KNTC1: variants seen among roughly 807,000 people sequenced by gnomAD.
KNTC1 encodes kinetochore-associated protein 1.
A neutral mutation model predicts 314.4 loss-of-function variants in KNTC1; 253 were observed. The ratio of observed to expected loss-of-function variants is 0.80; its 90% CI spans 0.73 to 0.89. The LOEUF is 0.89. Among genes scored for constraint, KNTC1 ranks in the 40% least tolerant of loss-of-function variants. The pLI, the probability that KNTC1 is intolerant of heterozygous loss-of-function variation, is 0.00. For missense variants in KNTC1, 2,475 were observed against 2,572.9 expected (o/e 0.96, Z 0.82); for synonymous variants, 901 against 901.4 (o/e 1.00, Z 0.01).
At chr12:122,539,594 T>C in intron 4 of KNTC1, 82 bp from the exon 5 acceptor site, 2 of 941,310 alleles carry the variant, frequency 2.1e-6, no homozygotes, top group South Asian at 3.3e-5. Context: ...TGATAATTGA[T>C]AACTCTAGAG....
At chr12:122,541,152 A>G (rs1418262284) in intron 5 of KNTC1, among the ~76,000 whole-genome samples, 1 of 151,340 alleles carries the variant, frequency 6.6e-6, no homozygotes. Context: ...AGGCCATTGC[A>G]CTCCAGCCTG....
chr12:122,613,921 A>G (rs762271898), intron 55 of KNTC1, among the ~76,000 whole-genome samples, 160 bp downstream of exon 55: 1 of 151,834 alleles, frequency 6.6e-6, no homozygotes, highest in Non-Finnish European at 1.5e-5. Flanking sequence ...GCTCACTGCA[A>G]CCTCCATCTC....
intron 44 of KNTC1, among the ~76,000 whole-genome samples, 154 bp from the exon 45 acceptor site, chr12:122,601,382 G>C (rs1216216409): frequency 2.0e-5 from 3 of 152,204 alleles, no homozygotes; most frequent in Non-Finnish European, 4.4e-5. Context: ...ACCGTGCCCG[G>C]CCGATTGTAG....
intron 42 of KNTC1, chr12:122,593,015 G>GT (rs1870504247): frequency 6.5e-6 from 1 of 153,734 alleles, no homozygotes; most frequent in African/African-American, 2.4e-5. Flanking sequence ...CTTAAGAGCT[G>GT]TAACACTCAC....
In KNTC1 at chr12:122,603,614, C is replaced by T. The variant is rs144472434; in HGVS notation, c.5101+371C>T. Among the ~76,000 whole-genome samples, 1,295 of 152,040 alleles carry T rather than the reference C, an allele frequency of 8.5e-3. 17 individuals are homozygous for T. The highest frequency in any genetic ancestry group is 0.03 in the African/African-American group (1,252 of 41,484). Reference sequence around the variant, plus strand: ...TTCAAGTGATTCTCCTGCCTCAGTCCCCCGAGTAGCTGGGACTACAGGTGC... The same window carrying T: ...TTCAAGTGATTCTCCTGCCTCAGTCTCCCGAGTAGCTGGGACTACAGGTGC... On this transcript the variant is annotated intron_variant, in intron 48 of 63. Coordinates refer to ENST00000333479, the MANE Select transcript of KNTC1 (RefSeq NM_014708.6).
chr12:122,569,329 A>T (rs888832042), intron 21 of KNTC1, among the ~76,000 whole-genome samples: 12 of 152,218 alleles, frequency 7.9e-5, no homozygotes, highest in Non-Finnish European at 1.6e-4. Flanking sequence ...AAGGTTGGCC[A>T]AAGTTGGTAT....
Position 122,585,714 on chromosome 12 carries a change from G to C in KNTC1, c.3613G>C (p.Glu1205Gln). ...DFFSEDGIVL[E>Q]SQMVLPVIYE... ...CTTCAGTGAAGATGGAATTGTTCTT[G>C]AGTCACAGATGGTGCTTCCAGTGAT... Residue 1205 changes from glutamate (E) to glutamine (Q), a missense_variant, in exon 37 of 64, where the codon GAG (glutamate) becomes CAG (glutamine). Coordinates refer to ENST00000333479, the MANE Select transcript of KNTC1 (RefSeq NM_014708.6). 1.9e-6 allele frequency: 3 copies of C among 1,613,538 alleles called. No homozygotes were observed. The highest frequency in any genetic ancestry group is 1.3e-5 in the African/African-American group (1 of 75,030).
At chr12:122,595,958 T>A (rs1390407808) in intron 43 of KNTC1, among the ~76,000 whole-genome samples, 1 of 152,214 alleles carries the variant, frequency 6.6e-6, no homozygotes, top group Non-Finnish European at 1.5e-5. Context: ...TTGAAAATGG[T>A]GGTACTTAAG....
At chr12:122,617,146 G>A (rs1464950610) in intron 57 of KNTC1, among the ~76,000 whole-genome samples, 2 of 151,902 alleles carry the variant, frequency 1.3e-5, no homozygotes, top group East Asian at 3.9e-4. Context: ...TCTATTTTTG[G>A]TCATTATAAA....
rs2270774 is a variant in KNTC1, at chr12:122,613,351, T to G, written c.5741+121T>G. ...AGTAGCTGTGTGAATACAGTTCTGT[T>G]GCCCTGAATATCCTTGACATTTTGG... is the stretch of plus-strand genomic sequence containing the variant. On this transcript the variant is annotated intron_variant, in intron 54 of 63. Transcript: ENST00000333479. 37 of 716,702 alleles carry G rather than the reference T, an allele frequency of 5.2e-5. No individual in the cohort carries two copies. The East Asian group carries it at 9.5e-4, about 18-fold the overall frequency. The allele number at this position is 716,702 out of a possible 1,614,324, so 44.4% of individuals were successfully genotyped here.
At chr12:122,559,866 C>T (rs1036641807) in intron 18 of KNTC1, among the ~76,000 whole-genome samples, 11 of 152,268 alleles carry the variant, frequency 7.2e-5, no homozygotes, top group Admixed American at 5.9e-4. Context: ...TGAGCCACTG[C>T]GCCCGGCCTA....
intron 42 of KNTC1, among the ~76,000 whole-genome samples, chr12:122,592,356 C>T (rs1870367972): frequency 6.6e-6 from 1 of 152,238 alleles, no homozygotes; most frequent in South Asian, 2.1e-4. Context: ...AAATGCCGCC[C>T]CATGCTCCAC....
chr12:122,539,817 T>G, intron 5 of KNTC1, 63 bp downstream of exon 5: 1 of 1,128,226 alleles, frequency 8.9e-7, no homozygotes, highest in South Asian at 1.5e-5. Flanking sequence ...AGTCTCCCTT[T>G]GTCGCCCAGG....
Position 122,594,162 on chromosome 12 carries a change from A to G in KNTC1, c.4246-114A>G. On this transcript the variant is annotated intron_variant, in intron 42 of 63. Transcript: ENST00000333479. ...GTGTGAGGTTGGAGGAGCTATAGAC[A>G]AATGTTTCTTTTTGAAAAAGGATAC... 4.6e-6 allele frequency: 3 copies of G among 651,282 alleles called. No homozygotes were observed. The Admixed American group carries it at 8.2e-5, about 18-fold the overall frequency. 40.3% of individuals were successfully genotyped at this position (651,282 alleles called of 1,614,324 possible). A position where few individuals can be genotyped will look rare whatever the true frequency, so the allele number is the denominator to read the frequency against.
At position 122,577,033 on chromosome 12, in the gene KNTC1, TGTAA is replaced by T; in HGVS notation, c.2721+7_2721+10del. 2 of 1,508,494 alleles carry T rather than the reference TGTAA, an allele frequency of 1.3e-6. No homozygotes were observed. Among genetic ancestry groups the T allele is most frequent in the Middle Eastern group, 1.9e-4 (1 of 5,272 alleles). 93.4% of individuals were successfully genotyped at this position (1,508,494 alleles called of 1,614,324 possible). ...TGACCTGATTGATAGAGAACAGGTT[TGTAA>T]GTTTTATGTTGTCATTTCATATGGC... On this transcript the variant is annotated splice_donor_5th_base_variant and intron_variant, in intron 30 of 63. Coordinates refer to ENST00000333479, the MANE Select transcript of KNTC1 (RefSeq NM_014708.6).
intron 49 of KNTC1, 116 bp downstream of exon 49, chr12:122,604,753 T>G: frequency 8.2e-7 from 1 of 1,224,578 alleles, no homozygotes; most frequent in Non-Finnish European, 1.2e-6. Context: ...ACCAAGGCTT[T>G]ATGTAGATGC....
At chr12:122,598,384 A>G (rs971599044) in intron 44 of KNTC1, among the ~76,000 whole-genome samples, 12 of 143,956 alleles carry the variant, frequency 8.3e-5, no homozygotes, top group African/African-American at 3.1e-4. Context: ...CATCTTTTTC[A>G]TGGTCCTGCC....
intron 26 of KNTC1, among the ~76,000 whole-genome samples, 174 bp downstream of exon 26, chr12:122,573,459 G>A (rs1265462722): frequency 6.6e-6 from 1 of 152,122 alleles, no homozygotes; most frequent in African/African-American, 2.4e-5. Flanking sequence ...AGCAAAGGGG[G>A]GATACATGAG....
At chr12:122,620,720 A>G (rs1392439637) in intron 60 of KNTC1, 112 bp downstream of exon 60, 2 of 1,099,560 alleles carry the variant, frequency 1.8e-6, no homozygotes, top group Non-Finnish European at 2.6e-6. Flanking sequence ...GCATGAATAC[A>G]TCAGATATGT....
Sources: allele counts gnomAD v4.1 joint callset (sites outside exome capture counted in the v4.1 genomes callset), GRCh38; gene constraint gnomAD v4.1.1; transcripts MANE v1.5; gene names NCBI Gene and HGNC (gene_info 2026-07-23, HGNC 2026-07-21).